KIAA1217: variants seen among roughly 807,000 people sequenced by gnomAD.
KIAA1217 encodes KIAA1217.
A neutral mutation model predicts 163.9 loss-of-function variants in KIAA1217; 88 were observed. That is an observed-to-expected ratio of 0.54 (90% CI 0.45 to 0.64). KIAA1217 has a LOEUF of 0.64. Among genes scored for constraint, KIAA1217 ranks in the 30% least tolerant of loss-of-function variants. The pLI is 0.00. For synonymous variants in KIAA1217, 903 were observed against 923.1 expected (o/e 0.98, Z 0.39); for missense variants, 2,372 against 2,475.0 (o/e 0.96, Z 0.88).
chr10:24,110,600 T>TAAA (rs11452842), intron 2 of KIAA1217, among the ~76,000 whole-genome samples: 5 of 140,386 alleles, frequency 3.6e-5, no homozygotes, highest in African/African-American at 5.0e-5. Context: ...CTGTGGGCCT[T>TAAA]AAAAAAAAAA....
At chr10:23,942,929 G>A (rs1375805738) in intron 1 of KIAA1217, among the ~76,000 whole-genome samples, 2 of 144,056 alleles carry the variant, frequency 1.4e-5, no homozygotes, top group Non-Finnish European at 3.0e-5. Context: ...ACAACATAGT[G>A]ATATCCTGTC....
At chr10:24,432,094 CT>C (rs1442959308) in intron 3 of KIAA1217, among the ~76,000 whole-genome samples, 2 of 149,508 alleles carry the variant, frequency 1.3e-5, no homozygotes, top group East Asian at 3.9e-4. Flanking sequence ...CTAAATATAC[CT>C]TTCCAAGGAA....
At chr10:24,151,868 C>T (rs964321771) in intron 2 of KIAA1217, among the ~76,000 whole-genome samples, 1 of 152,118 alleles carries the variant, frequency 6.6e-6, no homozygotes, top group African/African-American at 2.4e-5. Flanking sequence ...CAAGATCACA[C>T]AGCTGGTTAG....
chr10:23,782,723 T>G (rs1835313876), intron 1 of KIAA1217, among the ~76,000 whole-genome samples: 1 of 152,196 alleles, frequency 6.6e-6, no homozygotes, highest in Non-Finnish European at 1.5e-5. Context: ...GACCTAACAA[T>G]TATTTTTTTG....
At chr10:23,700,052 C>A (rs1291036997) in intron 1 of KIAA1217, among the ~76,000 whole-genome samples, 1 of 152,162 alleles carries the variant, frequency 6.6e-6, no homozygotes, top group African/African-American at 2.4e-5. Context: ...GAGCCACAGC[C>A]TTCTAAAGAT....
intron 2 of KIAA1217, among the ~76,000 whole-genome samples, chr10:24,340,347 A>AC (rs1213607894): frequency 6.6e-6 from 1 of 152,178 alleles, no homozygotes; most frequent in African/African-American, 2.4e-5. Context: ...AATAGGTCTC[A>AC]CGAGATCTGA....
chr10:23,855,192 T>G (rs968919834), intron 1 of KIAA1217, among the ~76,000 whole-genome samples: 2 of 152,192 alleles, frequency 1.3e-5, no homozygotes, highest in Admixed American at 6.5e-5. Context: ...CTTCAGGAGC[T>G]CTTTTAGGGC....
upstream of KIAA1217, among the ~76,000 whole-genome samples, chr10:24,204,888 G>A (rs2067461491): frequency 6.6e-6 from 1 of 152,162 alleles, no homozygotes; most frequent in Non-Finnish European, 1.5e-5. Context: ...AACAGTTAAT[G>A]TGGAACACAT....
intron 2 of KIAA1217, among the ~76,000 whole-genome samples, chr10:24,252,153 T>A (rs1475279154): frequency 6.6e-6 from 1 of 152,136 alleles, no homozygotes; most frequent in Non-Finnish European, 1.5e-5. Context: ...AATTGTCTCC[T>A]TCAAGATTAC....
chr10:24,530,708 G>C (rs1397382886), intron 14 of KIAA1217, among the ~76,000 whole-genome samples: 1 of 152,008 alleles, frequency 6.6e-6, no homozygotes, highest in African/African-American at 2.4e-5. Flanking sequence ...GAGCAGCCTG[G>C]GCAGCATAGT....
intron 4 of KIAA1217, among the ~76,000 whole-genome samples, chr10:24,435,912 G>A (rs1175464990): frequency 6.6e-6 from 1 of 151,716 alleles, no homozygotes; most frequent in Admixed American, 6.6e-5. Flanking sequence ...CCAGGTTGGA[G>A]TGCAGTGGCA....
rs148087316 is a variant in KIAA1217 at position 24,192,294 on chromosome 10, C to T, written c.-170-27332C>T. ...CTCTATGTCCCTGTGTCTTCAGAGA[C>T]AAGGATGCTCCTTTCTTCCAGGTAT... On this transcript the variant is annotated intron_variant, in intron 2 of 18. Transcript: ENST00000376462. 9.3e-4 allele frequency among the ~76,000 whole-genome samples: 142 copies of T among 152,292 alleles called. 2 individuals carry two copies. In the East Asian group the frequency reaches 0.021, roughly 22 times the overall value.
chr10:24,473,453 A>G lies in KIAA1217; in HGVS notation c.1072A>G (p.Arg358Gly), dbSNP rs1165698289. 6.2e-7 allele frequency: 1 copy of G among 1,614,180 alleles called. No individual in the cohort carries two copies. The change falls in exon 6 of 21, where the codon AGA (arginine) becomes GGA (glycine). Residue 358 changes from arginine (R) to glycine (G), a missense_variant. Physicochemically the swap from Arg to Gly is moderately radical, Grantham distance 125. Transcript: ENST00000376454. The stretch of plus-strand genomic sequence containing the variant: ...CAGAATCTCCAGCCTGCCAGTCTCC[A>G]GACCCATCTCTCCAAGCCCAAGCGC... ...RDRISSLPVS[R>G]PISPSPSAIL...
At chr10:23,902,622 T>C (rs1842003107) in intron 1 of KIAA1217, among the ~76,000 whole-genome samples, 1 of 152,138 alleles carries the variant, frequency 6.6e-6, no homozygotes, top group Non-Finnish European at 1.5e-5. Flanking sequence ...CAGGCAAGGC[T>C]GTCTGTACAT....
chr10:24,364,547 G>A (rs953753440), intron 2 of KIAA1217, among the ~76,000 whole-genome samples: 18 of 152,138 alleles, frequency 1.2e-4, no homozygotes, highest in Non-Finnish European at 2.2e-4. Context: ...AAGTTCGTGA[G>A]CTTATTCCAT....
intron 3 of KIAA1217, among the ~76,000 whole-genome samples, chr10:24,395,432 G>A (rs2055588462): frequency 6.6e-6 from 1 of 152,098 alleles, no homozygotes; most frequent in Admixed American, 6.5e-5. Context: ...CCCTTCTCCT[G>A]CCCCAGGGAC....
At chr10:24,403,728 A>T (rs2056844131) in intron 3 of KIAA1217, among the ~76,000 whole-genome samples, 1 of 152,246 alleles carries the variant, frequency 6.6e-6, no homozygotes, top group South Asian at 2.1e-4. Context: ...GGAGGTACAG[A>T]TGGTAAATAA....
chr10:24,159,281 A>T (rs1429096339), intron 2 of KIAA1217, among the ~76,000 whole-genome samples: 2 of 152,194 alleles, frequency 1.3e-5, no homozygotes, highest in Non-Finnish European at 2.9e-5. Flanking sequence ...TGTATTAAAA[A>T]ATCAGCATTC....
intron 1 of KIAA1217, among the ~76,000 whole-genome samples, chr10:23,700,112 C>T (rs12413323): frequency 0.14 from 20,885 of 152,126 alleles, 2,437 homozygotes; most frequent in African/African-American, 0.31. Flanking sequence ...TATGGATAGA[C>T]GTGACCCTAA....
Sources: gnomAD v4.1 joint callset for allele counts (sites outside exome capture counted in the v4.1 genomes callset) on GRCh38, gnomAD v4.1.1 for gene constraint, MANE v1.5 for transcripts, NCBI Gene and HGNC (gene_info 2026-07-23, HGNC 2026-07-21) for gene names.